Variants in DISC1 observed in about 807,000 individuals in gnomAD.
DISC1 encodes the protein DISC1 scaffold protein.
A neutral mutation model predicts 84.5 loss-of-function variants in DISC1; 57 were observed. The ratio of observed to expected loss-of-function variants is 0.67; its 90% CI spans 0.55 to 0.84. The LOEUF is 0.84. DISC1 is among the 40% of genes least tolerant of loss of function. The pLI, the probability that DISC1 is intolerant of heterozygous loss-of-function variation, is 0.00. For missense variants in DISC1, 1,000 were observed against 1,057.8 expected, an observed-to-expected ratio of 0.95 and a Z score of 0.76; for synonymous variants, 411 against 415.2, an observed-to-expected ratio of 0.99 and a Z score of 0.12.
chr1:231,631,882 T>G (rs1041649082), intron 1 of DISC1, among the ~76,000 whole-genome samples: 9 of 152,194 alleles, frequency 5.9e-5, no homozygotes, highest in Admixed American at 3.9e-4. Context: ...CATGAAATTA[T>G]GTCCTCAACC....
chr1:231,911,079 G>C (rs947471726), intron 9 of DISC1, among the ~76,000 whole-genome samples: 4 of 152,182 alleles, frequency 2.6e-5, no homozygotes, highest in African/African-American at 9.7e-5. Flanking sequence ...CTCTGCATGT[G>C]AGATGGGTCT....
At chr1:231,780,724 G>A (rs1205767276) in intron 6 of DISC1, among the ~76,000 whole-genome samples, 2 of 90,228 alleles carry the variant, frequency 2.2e-5, no homozygotes, top group Non-Finnish European at 4.4e-5. Context: ...TGTTTATTGC[G>A]GCATTATTCA....
intron 9 of DISC1, among the ~76,000 whole-genome samples, chr1:231,829,894 G>A (rs998484243): frequency 3.3e-5 from 5 of 151,746 alleles, no homozygotes; most frequent in African/African-American, 1.2e-4. Flanking sequence ...GCTCAGTGGG[G>A]GAGCTTTTGA....
Position 231,901,212 on chromosome 1 carries a change from C to T in DISC1, c.1982-57616C>T, listed in dbSNP as rs184299576. Among the ~76,000 whole-genome samples, 6 of 152,236 alleles carry T rather than the reference C, an allele frequency of 3.9e-5. No homozygotes were observed. In the East Asian group the frequency reaches 5.8e-4, roughly 15 times the overall value. On this transcript the variant is annotated intron_variant, in intron 9 of 12. Coordinates refer to ENST00000439617, the MANE Select transcript of DISC1 (RefSeq NM_018662.3). ...TGCAAATGGCTGGCCTGTCTTCAAA[C>T]GGCTATCAGAGAAACGTCAATTTCA... is the stretch of plus-strand genomic sequence containing the variant.
intron 9 of DISC1, among the ~76,000 whole-genome samples, chr1:231,902,739 T>C (rs2088288331): frequency 6.6e-6 from 1 of 152,222 alleles, no homozygotes; most frequent in African/African-American, 2.4e-5. Context: ...TAGCTCCAGG[T>C]TGTAGGCTTT....
chr1:231,923,307 C>A (rs74964008), intron 9 of DISC1, among the ~76,000 whole-genome samples: 66,946 of 138,016 alleles, frequency 0.49, 16,373 homozygotes, highest in Non-Finnish European at 0.56. Context: ...CAAAAAAAAC[C>A]AAAAAAAAAA....
At chr1:231,753,922 A>G (rs1054835838) in intron 4 of DISC1, among the ~76,000 whole-genome samples, 1 of 152,222 alleles carries the variant, frequency 6.6e-6, no homozygotes, top group African/African-American at 2.4e-5. Flanking sequence ...CAGGGGCACA[A>G]TGCAGCCAAG....
At chr1:231,924,841 A>G (rs917296087) in intron 9 of DISC1, among the ~76,000 whole-genome samples, 2 of 151,810 alleles carry the variant, frequency 1.3e-5, no homozygotes, top group South Asian at 2.1e-4. Context: ...TATTTTTAGT[A>G]GAGACGGGGT....
chr1:231,878,364 G>T lies in DISC1; in HGVS notation c.1981+59847G>T, dbSNP rs144636893. ...GAGGAAGTGACAAGTTCAGATCTGA[G>T]GGACAATAGTAACAGATGGGGAGAA... On this transcript the variant is annotated intron_variant, in intron 9 of 12. Transcript: ENST00000439617. Among the ~76,000 whole-genome samples, 88 of 152,264 alleles carry T rather than the reference G, an allele frequency of 5.8e-4. 1 individual carries two copies. The East Asian group carries it at 0.015, about 26-fold the overall frequency.
At chr1:231,956,794 T>C (rs1169382674) in intron 9 of DISC1, among the ~76,000 whole-genome samples, 1 of 152,156 alleles carries the variant, frequency 6.6e-6, no homozygotes, top group East Asian at 1.9e-4. Context: ...TTCACTCAGG[T>C]ATCTGGAGGT....
chr1:231,688,600 T>G (rs1190252063), intron 1 of DISC1, among the ~76,000 whole-genome samples: 1 of 152,200 alleles, frequency 6.6e-6, no homozygotes, highest in Non-Finnish European at 1.5e-5. Context: ...TTAGAACCAT[T>G]AACCAACTGA....
chr1:231,743,131 A>G (rs1386232234), intron 3 of DISC1, among the ~76,000 whole-genome samples: 1 of 152,212 alleles, frequency 6.6e-6, no homozygotes. Flanking sequence ...ATAGTTTAGA[A>G]TATGGTGGAT....
chr1:231,914,204 G>A (rs958570904), intron 9 of DISC1, among the ~76,000 whole-genome samples: 2 of 152,130 alleles, frequency 1.3e-5, no homozygotes, highest in African/African-American at 4.8e-5. Flanking sequence ...GTGAATTCAC[G>A]AGGAAAAGGT....
At chr1:231,835,247 C>T (rs1302957436) in intron 9 of DISC1, among the ~76,000 whole-genome samples, 1 of 152,206 alleles carries the variant, frequency 6.6e-6, no homozygotes, top group African/African-American at 2.4e-5. Context: ...TCACTCGCGT[C>T]CGTGTGAAGA....
chr1:231,790,412 G>T (rs145785901), intron 6 of DISC1, among the ~76,000 whole-genome samples: 3 of 152,006 alleles, frequency 2.0e-5, no homozygotes, highest in Admixed American at 2.0e-4. Context: ...AGCAGGGTTG[G>T]TTTCTTCTGA....
At chr1:231,868,903 A>G (rs1204797436) in intron 9 of DISC1, among the ~76,000 whole-genome samples, 1 of 151,186 alleles carries the variant, frequency 6.6e-6, no homozygotes, top group Non-Finnish European at 1.5e-5. Flanking sequence ...AAAAAAAAAA[A>G]AAAAGAGTTA....
chr1:231,958,529 C>G (rs1317208617), intron 9 of DISC1, among the ~76,000 whole-genome samples: 4 of 152,206 alleles, frequency 2.6e-5, no homozygotes, highest in African/African-American at 9.6e-5. Context: ...AGATAGAGCA[C>G]ATGTCATCCA....
intron 9 of DISC1, among the ~76,000 whole-genome samples, chr1:231,905,957 AC>A (rs1269901449): frequency 6.6e-6 from 1 of 150,868 alleles, no homozygotes; most frequent in Non-Finnish European, 1.5e-5. Context: ...AGTTCTTTGT[AC>A]TATATTTGTA....
chr1:231,784,724 C>T (rs2077700871), intron 6 of DISC1, among the ~76,000 whole-genome samples: 1 of 152,182 alleles, frequency 6.6e-6, no homozygotes, highest in South Asian at 2.1e-4. Context: ...AGGTGAGTGT[C>T]TGGCTTGAGT....
Sources: allele counts gnomAD v4.1 joint callset (sites outside exome capture counted in the v4.1 genomes callset), GRCh38; gene constraint gnomAD v4.1.1; transcripts MANE v1.5; gene names NCBI Gene and HGNC (gene_info 2026-07-23, HGNC 2026-07-21).